LGALS3: variants seen among roughly 807,000 people sequenced by gnomAD.
LGALS3 encodes galectin 3.
LGALS3 carries 18 observed loss-of-function variants against 20.7 expected under a neutral mutation model. The ratio of observed to expected loss-of-function variants is 0.87; its 90% CI spans 0.60 to 1.29. LGALS3 has a LOEUF of 1.29. Among genes scored for constraint, LGALS3 ranks in the 50% most tolerant of loss-of-function variants. The pLI, the probability that LGALS3 is intolerant of heterozygous loss-of-function variation, is 0.00. For synonymous variants in LGALS3, 112 were observed against 119.6 expected (o/e 0.94, Z 0.42); for missense variants, 315 against 314.7 (o/e 1.00, Z -0.01).
At position 55,140,342 on chromosome 14, in the gene LGALS3, C is replaced by T. The variant is rs770623817; in HGVS notation, c.410C>T (p.Thr137Met). 17 of 1,612,176 alleles carry T rather than the reference C, an allele frequency of 1.1e-5. No homozygotes were observed. In the Admixed American group the frequency reaches 1.3e-4, roughly 13 times the overall value. Residue 137 changes from threonine to methionine, a missense_variant, in exon 4 of 6, where the codon ACG (threonine) becomes ATG (methionine). Coordinates refer to ENST00000254301, the MANE Select transcript of LGALS3 (RefSeq NM_002306.4). ...CGCATGCTGATAACAATTCTGGGCA[C>T]GGTGAAGCCCAATGCAAACAGGTAA... ...VPRMLITILG[T>M]VKPNANRIAL...
intron 1 of LGALS3, among the ~76,000 whole-genome samples, chr14:55,133,798 AAAG>A (rs1275133057): frequency 1.3e-5 from 2 of 152,226 alleles, no homozygotes; most frequent in African/African-American, 4.8e-5. Context: ...GAGGCTTTGA[AAAG>A]AATAAATATT....
At chr14:55,134,559 A>T (rs2140289811) in intron 1 of LGALS3, among the ~76,000 whole-genome samples, 1 of 152,246 alleles carries the variant, frequency 6.6e-6, no homozygotes, top group Admixed American at 6.5e-5. Flanking sequence ...TGAATTAAAA[A>T]TTTTCATTTA....
Position 55,138,772 on chromosome 14 carries a change from C to T in LGALS3, c.342+404C>T, listed in dbSNP as rs4901555. Reference sequence around the variant, plus strand: ...CAATAGAGAAGTGATATAATTTGTCCAGGGTCATTGAGCAAACATGTAGAG... The same window carrying T: ...CAATAGAGAAGTGATATAATTTGTCTAGGGTCATTGAGCAAACATGTAGAG... On this transcript the variant is annotated intron_variant, in intron 3 of 5. Coordinates refer to ENST00000254301, the MANE Select transcript of LGALS3 (RefSeq NM_002306.4). Among the ~76,000 whole-genome samples, 506 of 152,182 alleles carry T rather than the reference C, an allele frequency of 3.3e-3. 9 individuals carry two copies. The highest frequency in any genetic ancestry group is 0.031 in the East Asian group (163 of 5,176).
chr14:55,135,294 C>A (rs1881353382), intron 1 of LGALS3, among the ~76,000 whole-genome samples: 1 of 152,176 alleles, frequency 6.6e-6, no homozygotes, highest in African/African-American at 2.4e-5. Context: ...TTTTGCATGC[C>A]TGCATGATGT....
In LGALS3 at chr14:55,129,870, C is replaced by T. The variant is rs1459923518; in HGVS notation, c.-5+570C>T. Among the ~76,000 whole-genome samples, 1 of 152,218 alleles carries T rather than the reference C, an allele frequency of 6.6e-6. No individual in the cohort carries two copies. Among genetic ancestry groups the T allele is most frequent in the East Asian group, 1.9e-4 (1 of 5,188 alleles). On this transcript the variant is annotated intron_variant, in intron 1 of 5. Transcript: ENST00000254301. This position sits in a 1 kb window ranked among gnomAD's most constrained non-coding sequence, Gnocchi z 5.3. Reference sequence around the variant, plus strand: ...CTCCCGGGACCCACAGCTTGGCTGGCCCGGCCCCTTTTGAGCATCAGCTGA... The same window carrying T: ...CTCCCGGGACCCACAGCTTGGCTGGTCCGGCCCCTTTTGAGCATCAGCTGA...
chr14:55,130,121 G>C (rs1316485160), intron 1 of LGALS3, among the ~76,000 whole-genome samples: 2 of 152,234 alleles, frequency 1.3e-5, no homozygotes, highest in Non-Finnish European at 2.9e-5. Context: ...GAAATGGTGG[G>C]TGTGGCAAAA....
intron 1 of LGALS3, among the ~76,000 whole-genome samples, chr14:55,135,526 T>C (rs536926007): frequency 5.3e-5 from 8 of 152,072 alleles, no homozygotes; most frequent in Non-Finnish European, 1.2e-4. Context: ...CTCTGCCTGT[T>C]TGAGTTTTAC....
At chr14:55,135,576 T>C (rs1026236061) in intron 1 of LGALS3, among the ~76,000 whole-genome samples, 2 of 145,086 alleles carry the variant, frequency 1.4e-5, no homozygotes, top group African/African-American at 2.6e-5. Flanking sequence ...TTTTTTTTTT[T>C]TTTTTTTTGA....
intron 3 of LGALS3, among the ~76,000 whole-genome samples, chr14:55,139,046 G>A (rs1406994031): frequency 6.6e-6 from 1 of 152,110 alleles, no homozygotes; most frequent in Non-Finnish European, 1.5e-5. Flanking sequence ...GACCATTTCA[G>A]GACTATGCAG....
At chr14:55,140,896 T>C (rs1274146148) in intron 4 of LGALS3, among the ~76,000 whole-genome samples, 2 of 152,208 alleles carry the variant, frequency 1.3e-5, no homozygotes, top group Admixed American at 6.5e-5. Context: ...ACATGCTAAT[T>C]ATGGCTGTCC....
chr14:55,132,171 C>T (rs1034562622), intron 1 of LGALS3, among the ~76,000 whole-genome samples: 9 of 152,180 alleles, frequency 5.9e-5, no homozygotes, highest in Admixed American at 3.3e-4. Context: ...AATTAACAGC[C>T]GATTAAAATG....
intron 1 of LGALS3, among the ~76,000 whole-genome samples, chr14:55,133,110 C>T (rs938967211): frequency 6.6e-6 from 1 of 152,158 alleles, no homozygotes; most frequent in Non-Finnish European, 1.5e-5. Flanking sequence ...TATGTAGTTA[C>T]AGATGAGTAA....
chr14:55,138,951 T>A (rs1881521468), intron 3 of LGALS3, among the ~76,000 whole-genome samples: 1 of 152,216 alleles, frequency 6.6e-6, no homozygotes, highest in Non-Finnish European at 1.5e-5. Flanking sequence ...AGCCACAGGA[T>A]CCTTCCTTTC....
intron 1 of LGALS3, among the ~76,000 whole-genome samples, chr14:55,134,425 G>T (rs1257052024): frequency 6.6e-6 from 1 of 152,140 alleles, no homozygotes; most frequent in East Asian, 1.9e-4. Flanking sequence ...GTTATTGCTG[G>T]GTCTTTGATA....
At chr14:55,131,032 C>G (rs1044977115) in intron 1 of LGALS3, among the ~76,000 whole-genome samples, 2 of 152,188 alleles carry the variant, frequency 1.3e-5, no homozygotes, top group African/African-American at 4.8e-5. Context: ...GATGATCATA[C>G]CCCATCCTTG....
rs1881162666 is a variant in LGALS3 at position 55,129,468 on chromosome 14, G to A, written c.-5+168G>A. ...TCTGCCCTCCAGGAGCGGGGCGGCG[G>A]GCAGCGATCTGGGCCCGGGGCAGTC... On this transcript the variant is annotated intron_variant, in intron 1 of 5. Coordinates refer to ENST00000254301, the MANE Select transcript of LGALS3 (RefSeq NM_002306.4). The surrounding 1 kb of genome is among the most constrained non-coding windows in gnomAD (Gnocchi z 5.3). Among the ~76,000 whole-genome samples the A allele has an allele frequency of 6.6e-6, 1 of 152,112 alleles. No homozygotes were observed. The highest frequency in any genetic ancestry group is 1.9e-4 in the East Asian group (1 of 5,172).
intron 1 of LGALS3, among the ~76,000 whole-genome samples, chr14:55,134,297 C>A (rs369150652): frequency 1.2e-3 from 179 of 152,330 alleles, no homozygotes; most frequent in African/African-American, 4.1e-3. Context: ...GAACATCCTG[C>A]AGTGCACAGG....
At position 55,138,202 on chromosome 14, in the gene LGALS3, C is replaced by T. The variant is rs1881480265; in HGVS notation, c.176C>T (p.Pro59Leu). Residue 59 changes from proline to leucine, a missense_variant, in exon 3 of 6, where the codon CCT (proline) becomes CTT (leucine). Pro to Leu is a moderately conservative substitution (Grantham distance 98, BLOSUM62 -3). Transcript: ENST00000254301. ...CCAGGGGCTTATCCTGGACAGGCAC[C>T]TCCAGGCGCCTACCCTGGAGCACCT... ...APPGAYPGQA[P>L]PGAYPGAPGA... is the part of the protein sequence containing the mutation. 6.2e-7 allele frequency: 1 copy of T among 1,612,822 alleles called. No individual in the cohort carries two copies. Among genetic ancestry groups the T allele is most frequent in the African/African-American group, 1.3e-5 (1 of 74,888 alleles).
At chr14:55,137,522 T>A (rs74050920) in intron 2 of LGALS3, 131 bp downstream of exon 2, 20 of 1,591,470 alleles carry the variant, frequency 1.3e-5, no homozygotes, top group Non-Finnish European at 1.5e-5. Context: ...ATTTGTCCAA[T>A]GAGGGCTTGC....
Sources: allele counts gnomAD v4.1 joint callset (sites outside exome capture counted in the v4.1 genomes callset), GRCh38; gene constraint gnomAD v4.1.1; non-coding constraint Gnocchi (gnomAD v3.1); transcripts MANE v1.5; gene names NCBI Gene and HGNC (gene_info 2026-07-23, HGNC 2026-07-21).